ZBTB47: variants seen among roughly 807,000 people sequenced by gnomAD.
ZBTB47 encodes the protein zinc finger and BTB domain containing 47.
In ZBTB47, 24 loss-of-function variants were observed where a neutral mutation model predicts 56.6. That is an observed-to-expected ratio of 0.42 (90% confidence interval 0.31 to 0.60). The LOEUF (loss-of-function observed/expected upper bound fraction) is 0.60. Among genes scored for constraint, ZBTB47 ranks in the 20% least tolerant of loss-of-function variants. ZBTB47 has a pLI of 0.14. For missense variants in ZBTB47, 829 were observed against 1,032.6 expected (o/e 0.80, Z 2.70); for synonymous variants, 414 against 418.9 (o/e 0.99, Z 0.14).
chr3:42,659,324 T>A lies in ZBTB47; in HGVS notation c.969T>A (p.Ser323Arg), dbSNP rs752227029. 133 of 1,462,782 alleles carry A rather than the reference T, an allele frequency of 9.1e-5. No individual in the cohort carries two copies. The highest frequency in any genetic ancestry group is 4.2e-4 in the Middle Eastern group (2 of 4,714). The allele number at this position is 1,462,782 out of a possible 1,614,324, so 90.6% of individuals were successfully genotyped here. A position where few individuals can be genotyped will look rare whatever the true frequency, so the allele number is the denominator to read the frequency against. The change falls in exon 2 of 6, where the codon AGT (serine) becomes AGA (arginine). Residue 323 changes from serine (S) to arginine (R), a missense_variant. Physicochemically the swap from Ser to Arg is moderately radical, Grantham distance 110. This residue lies in a region of ZBTB47 where 359 missense variants were observed against 359.8 expected (regional missense o/e 1.00). Transcript: ENST00000232974. Reference protein sequence around the residue: ...EEEEEEEDGHSEQEEEEEEEE... With the variant: ...EEEEEEEDGHREQEEEEEEEE... ...AAGAAGAGGAGGAGGACGGGCACAG[T>A]GAGCAGGAAGAGGAAGAGGAGGAGG...
chr3:42,659,592 G>A lies in ZBTB47; in HGVS notation c.1237G>A (p.Ala413Thr). ...RPKPPPGVAS[A>T]SARGPPATDG... The stretch of plus-strand genomic sequence containing the variant: ...AAAGCCACCCCCTGGAGTGGCCTCT[G>A]CATCGGCCCGAGGGCCGCCAGCCAC... The change falls in exon 2 of 6, where the codon GCA becomes ACA. Residue 413 changes from alanine (A) to threonine (T), a missense_variant. Physicochemically the swap from Ala to Thr is moderately conservative, Grantham distance 58. This residue lies in a region of ZBTB47 where 187 missense variants were observed against 253.1 expected (regional missense o/e 0.74). Transcript: ENST00000232974. 1 of 1,600,096 alleles carries A rather than the reference G, an allele frequency of 6.2e-7. No individual in the cohort carries two copies. Among genetic ancestry groups the A allele is most frequent in the Non-Finnish European group, 8.5e-7 (1 of 1,173,930 alleles).
At chr3:42,660,393 T>C (rs1710699693) in intron 2 of ZBTB47, among the ~76,000 whole-genome samples, 1 of 152,124 alleles carries the variant, frequency 6.6e-6, no homozygotes, top group Non-Finnish European at 1.5e-5. Context: ...CACTTTCAGC[T>C]CTTTGGGGAT....
In ZBTB47 at chr3:42,659,838, A is replaced by G. The variant is rs1299954633; in HGVS notation, c.1473+10A>G. The G allele has an allele frequency of 3.8e-6, 6 of 1,589,856 alleles. No homozygotes were observed. The highest frequency in any genetic ancestry group is 5.1e-6 in the Non-Finnish European group (6 of 1,166,180). ...CGAGCGCAACATCCAGGTGGGCCTC[A>G]CGTGGCTGGGGGCAGGGCAGAGGCT... On this transcript the variant is annotated intron_variant, in intron 2 of 5. Coordinates refer to ENST00000232974, the MANE Select transcript of ZBTB47 (RefSeq NM_145166.4).
At chr3:42,660,089 C>T (rs116758571) in intron 2 of ZBTB47, among the ~76,000 whole-genome samples, 2,006 of 152,276 alleles carry the variant, frequency 0.013, 55 homozygotes, top group African/African-American at 0.044. Flanking sequence ...CAAACAGTAC[C>T]CTTGGCCAGA....
chr3:42,664,265 T>C lies in ZBTB47; in HGVS notation c.1911T>C (p.Cys637=). 1.2e-6 allele frequency: 2 copies of C among 1,613,628 alleles called. No individual in the cohort carries two copies. Among genetic ancestry groups the C allele is most frequent in the East Asian group, 2.2e-5 (1 of 44,854 alleles). The stretch of plus-strand genomic sequence containing the variant: ...AGAAGCCGTACATCTGCGAGATCTG[T>C]GGCAAGAGCTTCACCAGCCGGCCCA... ...TGEKPYICEI[C]GKSFTSRPNM... is the part of the protein sequence containing the mutation. Residue 637 remains cysteine, a synonymous_variant, in exon 6 of 6, where the codon TGT becomes TGC. Transcript: ENST00000232974.
At position 42,659,468 on chromosome 3, in the gene ZBTB47, C is replaced by T. The variant is rs1370229169; in HGVS notation, c.1113C>T (p.Pro371=). The T allele has an allele frequency of 6.6e-7, 1 of 1,516,408 alleles. No homozygotes were observed. The highest frequency in any genetic ancestry group is 1.3e-5 in the South Asian group (1 of 75,328). 93.9% of individuals were successfully genotyped at this position (1,516,408 alleles called of 1,614,324 possible). Residue 371 remains proline, a synonymous_variant, in exon 2 of 6, where the codon CCC becomes CCT. Coordinates refer to ENST00000232974, the MANE Select transcript of ZBTB47 (RefSeq NM_145166.4). ...PRGSRSSRAD[P]PPHSHMATRS... is the part of the protein sequence containing the mutation. ...GAAGCCGAAGCAGCCGGGCAGACCC[C>T]CCTCCCCACAGTCACATGGCCACAC...
Position 42,663,843 on chromosome 3 carries a change from T to C in ZBTB47, c.1784T>C (p.Met595Thr). ...TACAAGTACCAGCTGCGGTCACACA[T>C]GAGCATCCACATTGGCCACAAGCAG... ...FQYKYQLRSH[M>T]SIHIGHKQFM... Residue 595 changes from methionine to threonine, a missense_variant, in exon 5 of 6, where the codon ATG becomes ACG. Around this residue, in one of 6 missense-constraint regions of ZBTB47, gnomAD observed 187 missense variants for 253.1 expected, o/e 0.74. Transcript: ENST00000232974. This position sits in a 1 kb window ranked among gnomAD's most constrained non-coding sequence, Gnocchi z 5.1. The C allele has an allele frequency of 6.2e-7, 1 of 1,613,262 alleles. No homozygotes were observed. Among genetic ancestry groups the C allele is most frequent in the Non-Finnish European group, 8.5e-7 (1 of 1,179,682 alleles).
In ZBTB47 at chr3:42,664,390, A is replaced by C; in HGVS notation, c.2036A>C (p.Lys679Thr). The C allele has an allele frequency of 6.2e-7, 1 of 1,602,022 alleles. No individual in the cohort carries two copies. The highest frequency in any genetic ancestry group is 8.5e-7 in the Non-Finnish European group (1 of 1,175,024). ...TTCTCCAACATGCTCAAGGCCCACA[A>C]GGAGAAGTGCTTCCGCGTCAGCCAC... ...FRFSNMLKAHKEKCFRVSHTL... is the reference protein window; with the variant it reads ...FRFSNMLKAHTEKCFRVSHTL... The change falls in exon 6 of 6, where the codon AAG (lysine) becomes ACG (threonine). Residue 679 changes from lysine (K) to threonine (T), a missense_variant. Transcript: ENST00000232974.
In ZBTB47 at chr3:42,654,895, C is replaced by T. The variant is rs1456983526; in HGVS notation, c.-82+1012C>T. ...CTCTCGGTGGGGAGGGGGTTAAATT[C>T]CTGTGGTGGGGGCGCCGGCGCGCGA... On this transcript the variant is annotated intron_variant, in intron 1 of 5. Transcript: ENST00000232974. This position sits in a 1 kb window ranked among gnomAD's most constrained non-coding sequence, Gnocchi z 5.0. Among the ~76,000 whole-genome samples the T allele has an allele frequency of 6.7e-6, 1 of 149,116 alleles. No homozygotes were observed. Among genetic ancestry groups the T allele is most frequent in the African/African-American group, 2.5e-5 (1 of 40,444 alleles).
intron 2 of ZBTB47, 136 bp from the exon 3 acceptor site, chr3:42,661,349 T>C: frequency 1.1e-6 from 1 of 926,490 alleles, no homozygotes. Context: ...ACATCAGAGC[T>C]GGCTGGCTGT....
Position 42,664,813 on chromosome 3 carries a change from C to A in ZBTB47, c.*215C>A, listed in dbSNP as rs1478612378. The A allele has an allele frequency of 2.2e-5, 10 of 444,954 alleles. No homozygotes were observed. Among genetic ancestry groups the A allele is most frequent in the African/African-American group, 2.0e-4 (10 of 49,074 alleles). The allele number at this position is 444,954 out of a possible 1,614,324, so 27.6% of individuals were successfully genotyped here. A position where few individuals can be genotyped will look rare whatever the true frequency, so the allele number is the denominator to read the frequency against. On this transcript the variant is annotated 3_prime_UTR_variant, in exon 6 of 6. Coordinates refer to ENST00000232974, the MANE Select transcript of ZBTB47 (RefSeq NM_145166.4). Reference sequence around the variant, plus strand: ...GGAGGGCATCTCACTCCCAAGTGCCCCCCCTTTCTGTGACTCCTTGAAGCC... The same window carrying A: ...GGAGGGCATCTCACTCCCAAGTGCCACCCCTTTCTGTGACTCCTTGAAGCC...
rs1474409161 is a variant in ZBTB47 at position 42,667,507 on chromosome 3, A to G, written c.*2909A>G. 1.3e-5 allele frequency among the ~76,000 whole-genome samples: 2 copies of G among 152,232 alleles called. No homozygotes were observed. Among genetic ancestry groups the G allele is most frequent in the African/African-American group, 2.4e-5 (1 of 41,458 alleles). ...ACAACTGCTCGTGTACAGGCACCCC[A>G]CAGCCCCAGAGCATGGGGCACAGCA... On this transcript the variant is annotated 3_prime_UTR_variant, in exon 6 of 6. Coordinates refer to ENST00000232974, the MANE Select transcript of ZBTB47 (RefSeq NM_145166.4).
upstream of ZBTB47, among the ~76,000 whole-genome samples, chr3:42,653,104 T>C (rs764455423): frequency 9.9e-5 from 15 of 152,136 alleles, no homozygotes; most frequent in Non-Finnish European, 1.5e-4. Context: ...CCTGAGACAT[T>C]TTCTCCCTAG....
chr3:42,662,939 C>A, intron 3 of ZBTB47, 73 bp from the exon 4 acceptor site: 2 of 1,093,034 alleles, frequency 1.8e-6, no homozygotes, highest in South Asian at 1.3e-5. Context: ...CCCCAGGAGG[C>A]AGGGTCTGGG....
chr3:42,664,068 C>T (rs2125839001), intron 5 of ZBTB47, 127 bp downstream of exon 5: 3 of 1,470,272 alleles, frequency 2.0e-6, no homozygotes, highest in South Asian at 1.4e-5. Flanking sequence ...ACCCATGCTT[C>T]CTGCCTCCCA....
Position 42,664,798 on chromosome 3 carries a change from T to C in ZBTB47, c.*200T>C, listed in dbSNP as rs1710766029. 1 of 485,280 alleles carries C rather than the reference T, an allele frequency of 2.1e-6. No individual in the cohort carries two copies. The highest frequency in any genetic ancestry group is 4.4e-5 in the Admixed American group (1 of 22,540). The allele number at this position is 485,280 out of a possible 1,614,324, so 30.1% of individuals were successfully genotyped here. ...GGCCCCAGAGCTGGTGGAGGGCATC[T>C]CACTCCCAAGTGCCCCCCCTTTCTG... On this transcript the variant is annotated 3_prime_UTR_variant, in exon 6 of 6. Coordinates refer to ENST00000232974, the MANE Select transcript of ZBTB47 (RefSeq NM_145166.4).
In ZBTB47 at chr3:42,664,385, C is replaced by T; in HGVS notation, c.2031C>T (p.Ala677=). The change falls in exon 6 of 6, where the codon GCC becomes GCT. Residue 677 remains alanine, a synonymous_variant. Coordinates refer to ENST00000232974, the MANE Select transcript of ZBTB47 (RefSeq NM_145166.4). ...TCCGCTTCTCCAACATGCTCAAGGC[C>T]CACAAGGAGAAGTGCTTCCGCGTCA... ...QRFRFSNMLK[A]HKEKCFRVSH... The T allele has an allele frequency of 6.2e-7, 1 of 1,604,696 alleles. No individual in the cohort carries two copies. Among genetic ancestry groups the T allele is most frequent in the Non-Finnish European group, 8.5e-7 (1 of 1,176,142 alleles).
rs758866637 is a variant in ZBTB47, at chr3:42,659,037, C to T, written c.682C>T (p.Arg228Cys). ...GCTTGGGGGTTCTGGCACCTACAGC[C>T]GCAGGGAGCAATCCCAGATCATCGT... Reference protein sequence around the residue: ...EELGGSGTYSRREQSQIIVEV... With the variant: ...EELGGSGTYSCREQSQIIVEV... The change falls in exon 2 of 6, where the codon CGC (arginine) becomes TGC (cysteine). Residue 228 changes from arginine (R) to cysteine (C), a missense_variant. Physicochemically the swap from Arg to Cys is radical, Grantham distance 180. Coordinates refer to ENST00000232974, the MANE Select transcript of ZBTB47 (RefSeq NM_145166.4). 100 of 1,529,740 alleles carry T rather than the reference C, an allele frequency of 6.5e-5. No homozygotes were observed. The highest frequency in any genetic ancestry group is 1.7e-4 in the Middle Eastern group (1 of 5,960). 94.8% of individuals were successfully genotyped at this position (1,529,740 alleles called of 1,614,324 possible).
In ZBTB47 at chr3:42,667,099, A is replaced by G. The variant is rs1710797466; in HGVS notation, c.*2501A>G. 6.6e-6 allele frequency among the ~76,000 whole-genome samples: 1 copy of G among 152,390 alleles called. No individual in the cohort carries two copies. Among genetic ancestry groups the G allele is most frequent in the East Asian group, 1.9e-4 (1 of 5,188 alleles). ...TACATCTTTTTATTTAAAACAAAAC[A>G]ACACAAAAAAACAATGTGCCCCCAG... is the stretch of plus-strand genomic sequence containing the variant. On this transcript the variant is annotated 3_prime_UTR_variant, in exon 6 of 6. Transcript: ENST00000232974.
Sources: allele counts gnomAD v4.1 joint callset (sites outside exome capture counted in the v4.1 genomes callset), GRCh38; gene constraint gnomAD v4.1.1; regional missense constraint gnomAD v4.1.1; non-coding constraint Gnocchi (gnomAD v3.1); transcripts MANE v1.5; gene names NCBI Gene and HGNC (gene_info 2026-07-23, HGNC 2026-07-21).